The following LNPK variants were observed in gnomAD, a reference collection of about 807,000 sequenced individuals.
The protein encoded by LNPK is lunapark, ER junction formation factor, also known as endoplasmic reticulum junction formation protein lunapark.
A neutral mutation model predicts 55.2 loss-of-function variants in LNPK; 29 were observed. The ratio of observed to expected loss-of-function variants is 0.53; its 90% CI spans 0.39 to 0.72. The LOEUF is 0.72. Ranked by LOEUF, LNPK falls within the 30% of genes least tolerant of loss-of-function variation. The pLI is 0.00. For synonymous variants in LNPK, 162 were observed against 168.2 expected (o/e 0.96, Z 0.29); for missense variants, 467 against 494.8 (o/e 0.94, Z 0.53).
chr2:175,973,816 T>C (rs1389385249), intron 5 of LNPK, among the ~76,000 whole-genome samples: 1 of 152,242 alleles, frequency 6.6e-6, no homozygotes, highest in African/African-American at 2.4e-5. Context: ...ACTACTCATG[T>C]TTGTTTTTCT....
intron 9 of LNPK, among the ~76,000 whole-genome samples, chr2:175,944,148 A>T (rs1232901710): frequency 6.6e-6 from 1 of 152,120 alleles, no homozygotes; most frequent in African/African-American, 2.4e-5. Flanking sequence ...ACCAGTTGGA[A>T]ATAGTTAATA....
In LNPK at chr2:175,938,323, A is replaced by T. The variant is rs1473560916; in HGVS notation, c.873T>A (p.Phe291Leu). Residue 291 changes from phenylalanine to leucine, a missense_variant, in exon 11 of 13, where the codon TTT becomes TTA. By Grantham distance (22) the Phe-to-Leu change is conservative. Transcript: ENST00000272748. ...SHNGMALKEEFEYIAFRCAYC... is the reference protein window; with the variant it reads ...SHNGMALKEELEYIAFRCAYC... ...CCCAATAATTCTTACCAATGTATTC[A>T]AATTCTTCCTTCAAAGCCATGCCAT... is the stretch of plus-strand genomic sequence containing the variant. The T allele has an allele frequency of 1.9e-6, 3 of 1,584,860 alleles. No homozygotes were observed. In the African/African-American group the frequency reaches 4.0e-5, roughly 21 times the overall value.
In LNPK at chr2:175,962,560, G is replaced by A. The variant is rs866568624; in HGVS notation, c.493+1812C>T. On this transcript the variant is annotated intron_variant, in intron 8 of 12. Coordinates refer to ENST00000272748, the MANE Select transcript of LNPK (RefSeq NM_030650.3). ...CCTTATACAAAAATTAATTCAAGAT[G>A]TATTAAAGACTTAAATGTTAGACCT... is the stretch of plus-strand genomic sequence containing the variant. Among the ~76,000 whole-genome samples, 6 of 152,236 alleles carry A rather than the reference G, an allele frequency of 3.9e-5. 1 individual carries two copies. Among genetic ancestry groups the A allele is most frequent in the Middle Eastern group, 6.8e-3 (2 of 294 alleles).
At position 176,001,196 on chromosome 2, in the gene LNPK, A is replaced by G. The variant is rs6433568; in HGVS notation, c.-63+964T>C. ...GGTCTTCTGGGGGCTGCTGAGGAAA[A>G]GAAATGAGCATTCCCTGCCAGTTTG... On this transcript the variant is annotated intron_variant, in intron 1 of 12. Transcript: ENST00000272748. Among the ~76,000 whole-genome samples, 848 of 152,304 alleles carry G rather than the reference A, an allele frequency of 5.6e-3. 7 individuals carry two copies. Among genetic ancestry groups the G allele is most frequent in the African/African-American group, 0.017 (725 of 41,560 alleles).
chr2:175,950,333 T>A (rs2105574309), intron 8 of LNPK, among the ~76,000 whole-genome samples: 1 of 152,226 alleles, frequency 6.6e-6, no homozygotes, highest in South Asian at 2.1e-4. Flanking sequence ...TAAGAGCTAG[T>A]GTTTGACAGT....
intron 12 of LNPK, among the ~76,000 whole-genome samples, chr2:175,936,284 A>AT: frequency 6.6e-6 from 1 of 152,242 alleles, no homozygotes; most frequent in African/African-American, 2.4e-5. Context: ...CAACACACAC[A>AT]TTTTAGGTTC....
intron 6 of LNPK, among the ~76,000 whole-genome samples, chr2:175,969,191 TTTTTC>T (rs1686532124): frequency 6.6e-6 from 1 of 152,188 alleles, no homozygotes; most frequent in Non-Finnish European, 1.5e-5. Context: ...AGAGCCAACA[TTTTTC>T]TTTAGTCAAA....
chr2:175,990,609 T>A lies in LNPK; in HGVS notation c.257+1622A>T, dbSNP rs984638688. On this transcript the variant is annotated intron_variant, in intron 4 of 12. Transcript: ENST00000272748. ...ACAAAAGGCAAAAACTCACATTACA[T>A]ACATAAGAAAATGTCCTGTGTTAAG... 2.0e-5 allele frequency among the ~76,000 whole-genome samples: 3 copies of A among 152,176 alleles called. No homozygotes were observed. The East Asian group carries it at 5.8e-4, about 29-fold the overall frequency.
chr2:176,002,260 A>G lies in LNPK; in HGVS notation c.-163T>C, dbSNP rs572272706. On this transcript the variant is annotated 5_prime_UTR_variant, in exon 1 of 13. Transcript: ENST00000272748. ...AGAGCAGGCAGCAGCCGCCACTGAC[A>G]GAGAGACAAGCCGGGCCAACTCCTT... 1 of 449,888 alleles carries G rather than the reference A, an allele frequency of 2.2e-6. No homozygotes were observed. Among genetic ancestry groups the G allele is most frequent in the South Asian group, 1.6e-5 (1 of 63,818 alleles). 27.9% of individuals were successfully genotyped at this position (449,888 alleles called of 1,614,324 possible).
At chr2:175,956,190 G>A (rs933759253) in intron 8 of LNPK, among the ~76,000 whole-genome samples, 2 of 151,076 alleles carry the variant, frequency 1.3e-5, no homozygotes, top group African/African-American at 4.9e-5. Context: ...TGAGGTGGGA[G>A]GATGGCTGGA....
Position 175,925,668 on chromosome 2 carries a change from TC to T in LNPK, c.*4298del, listed in dbSNP as rs202239256. ...GCGTGGCAGATTCATTTTCTTTCTT[TC>T]TTTTTTTTTTTTGAGATGGAGTTTC... On this transcript the variant is annotated 3_prime_UTR_variant, in exon 13 of 13. Coordinates refer to ENST00000272748, the MANE Select transcript of LNPK (RefSeq NM_030650.3). The T allele has an allele frequency of 3.5e-3, 525 of 148,220 alleles. 9 individuals are homozygous for T. Among genetic ancestry groups the T allele is most frequent in the Non-Finnish European group, 5.4e-3 (364 of 67,882 alleles). 9.2% of individuals were successfully genotyped at this position (148,220 alleles called of 1,614,324 possible).
intron 7 of LNPK, 27 bp downstream of exon 7, chr2:175,964,478 TA>T: frequency 6.3e-7 from 1 of 1,589,230 alleles, no homozygotes; most frequent in Non-Finnish European, 8.6e-7. Context: ...TAATTTATAA[TA>T]AAATAGTAGT....
chr2:175,957,083 C>T (rs1209548678), intron 8 of LNPK, among the ~76,000 whole-genome samples: 6 of 152,048 alleles, frequency 3.9e-5, no homozygotes, highest in South Asian at 4.2e-4. Flanking sequence ...ATTGGCTGGG[C>T]GCAGTAGCTC....
At chr2:175,935,757 G>T in intron 12 of LNPK, 1 of 976,042 alleles carries the variant, frequency 1.0e-6, no homozygotes, top group Non-Finnish European at 1.2e-6. Context: ...AGGAATTTCA[G>T]ACAGAAAATG....
At position 175,945,313 on chromosome 2, in the gene LNPK, C is replaced by T. The variant is rs373504023; in HGVS notation, c.706+2167G>A. Among the ~76,000 whole-genome samples the T allele has an allele frequency of 2.1e-4, 31 of 150,940 alleles. No individual in the cohort carries two copies. The East Asian group carries it at 3.0e-3, about 15-fold the overall frequency. On this transcript the variant is annotated intron_variant, in intron 9 of 12. Coordinates refer to ENST00000272748, the MANE Select transcript of LNPK (RefSeq NM_030650.3). Reference sequence around the variant, plus strand: ...TCACCTGAGGTCAGGAGTCTGAGAACGGCCTGGCCAATACGGCGAAACTCC... The same window carrying T: ...TCACCTGAGGTCAGGAGTCTGAGAATGGCCTGGCCAATACGGCGAAACTCC...
chr2:175,996,001 C>T (rs1392414949), intron 1 of LNPK, among the ~76,000 whole-genome samples: 1 of 151,460 alleles, frequency 6.6e-6, no homozygotes, highest in African/African-American at 2.4e-5. Flanking sequence ...TTGGTAGAGA[C>T]GGGGTTTTGC....
intron 4 of LNPK, among the ~76,000 whole-genome samples, chr2:175,988,425 T>A (rs773108493): frequency 6.6e-6 from 1 of 150,896 alleles, no homozygotes; most frequent in African/African-American, 2.4e-5. Context: ...GGCACAAGAA[T>A]TGCTTGAGCC....
intron 5 of LNPK, among the ~76,000 whole-genome samples, chr2:175,973,396 G>A (rs1342803314): frequency 6.6e-6 from 1 of 152,180 alleles, no homozygotes; most frequent in Non-Finnish European, 1.5e-5. Context: ...TGAGAGCAAT[G>A]AAGTTCCCTT....
At chr2:175,957,965 C>G (rs1342718487) in intron 8 of LNPK, among the ~76,000 whole-genome samples, 1 of 152,198 alleles carries the variant, frequency 6.6e-6, no homozygotes, top group Admixed American at 6.5e-5. Context: ...GCTGGCACAG[C>G]AGTCCGAGAT....
Sources: gnomAD v4.1 joint callset for allele counts (sites outside exome capture counted in the v4.1 genomes callset) on GRCh38, gnomAD v4.1.1 for gene constraint, MANE v1.5 for transcripts, NCBI Gene and HGNC (gene_info 2026-07-23, HGNC 2026-07-21) for gene names.